GADD45B: variants seen among roughly 807,000 people sequenced by gnomAD.
GADD45B encodes growth arrest and DNA damage inducible beta.
GADD45B carries 8 observed loss-of-function variants against 15.2 expected under a neutral mutation model. The observed-to-expected ratio is 0.53, with a 90% CI of 0.31 to 0.95. The LOEUF (loss-of-function observed/expected upper bound fraction) is 0.95, where lower values mean the gene tolerates loss of function less well. Ranked by LOEUF, GADD45B falls within the 40% of genes least tolerant of loss-of-function variation. The pLI is 0.05. For synonymous variants in GADD45B, 100 were observed against 89.8 expected, an observed-to-expected ratio of 1.11 and a Z score of -0.64; for missense variants, 162 against 216.6, an observed-to-expected ratio of 0.75 and a Z score of 1.58.
intron 1 of GADD45B, 36 bp from the exon 2 acceptor site, chr19:2,476,493 G>A (rs753361521): frequency 6.2e-6 from 10 of 1,600,688 alleles, no homozygotes; most frequent in Non-Finnish European, 8.6e-6. Context: ...GCACCCGGTG[G>A]TCCGCCCGTC....
intron 1 of GADD45B, 45 bp downstream of exon 1, chr19:2,476,447 A>AGGGGT: frequency 6.5e-7 from 1 of 1,537,130 alleles, no homozygotes; most frequent in Non-Finnish European, 9.0e-7. Context: ...CCGGGACGGG[A>AGGGGT]TGGGTCGGGT....
intron 1 of GADD45B, 45 bp downstream of exon 1, chr19:2,476,447 ATGGGT>A: frequency 6.5e-7 from 1 of 1,537,136 alleles, no homozygotes; most frequent in Non-Finnish European, 9.0e-7. Context: ...CCGGGACGGG[ATGGGT>A]CGGGTTGGGC....
rs776089816 is a variant in GADD45B at position 2,477,469 on chromosome 19, C to G, written c.370-19C>G. The G allele has an allele frequency of 1.3e-6, 2 of 1,557,582 alleles. No individual in the cohort carries two copies. Among genetic ancestry groups the G allele is most frequent in the South Asian group, 2.2e-5 (2 of 89,726 alleles). On this transcript the variant is annotated intron_variant, in intron 3 of 3. Transcript: ENST00000215631. The surrounding 1 kb of genome is among the most constrained non-coding windows in gnomAD (Gnocchi z 4.2). ...GGGAGAGGGAGGCTCCACTAAACCCCTTCTTTTCCCTCCTACAGAACCCTC... is the reference window on the plus strand; with the variant it reads ...GGGAGAGGGAGGCTCCACTAAACCCGTTCTTTTCCCTCCTACAGAACCCTC...
rs767074560 is a variant in GADD45B, at chr19:2,476,382, G to A, written c.24G>A (p.Ala8=). 3.7e-6 allele frequency: 6 copies of A among 1,613,638 alleles called. No individual in the cohort carries two copies. The highest frequency in any genetic ancestry group is 1.1e-5 in the South Asian group (1 of 91,082). Residue 8 remains alanine (A), a synonymous_variant, in exon 1 of 4, where the codon GCG becomes GCA. Transcript: ENST00000215631. The part of the protein sequence containing the change: MTLEELV[A]CDNAAQKMQT... ...ACATGACGCTGGAAGAGCTCGTGGC[G>A]TGCGACAACGCGGCGCAGAAGTAAG...
Position 2,477,694 on chromosome 19 carries a change from C to G in GADD45B, c.*93C>G. The G allele has an allele frequency of 1.6e-6, 1 of 614,930 alleles. No individual in the cohort carries two copies. 38.1% of individuals were successfully genotyped at this position (614,930 alleles called of 1,614,324 possible). Reference sequence around the variant, plus strand: ...CCCCTCCCCCCCAGCACAACCCCCCCAAAACAACCCAACCCACGAGGACCA... The same window carrying G: ...CCCCTCCCCCCCAGCACAACCCCCCGAAAACAACCCAACCCACGAGGACCA... On this transcript the variant is annotated 3_prime_UTR_variant, in exon 4 of 4. Coordinates refer to ENST00000215631, the MANE Select transcript of GADD45B (RefSeq NM_015675.4). This position sits in a 1 kb window ranked among gnomAD's most constrained non-coding sequence, Gnocchi z 4.2.
At position 2,477,580 on chromosome 19, in the gene GADD45B, C is replaced by T. The variant is rs1281295574; in HGVS notation, c.462C>T (p.Tyr154=). ...ESRGNNQWVP[Y]ISLQER ...GGGGCAACAACCAGTGGGTCCCCTA[C>T]ATCTCTCTTCAGGAACGCTGAGGCC... The change falls in exon 4 of 4, where the codon TAC becomes TAT. Residue 154 remains tyrosine (Y), a synonymous_variant. Coordinates refer to ENST00000215631, the MANE Select transcript of GADD45B (RefSeq NM_015675.4). The surrounding 1 kb of genome is among the most constrained non-coding windows in gnomAD (Gnocchi z 4.2). 1 of 1,605,056 alleles carries T rather than the reference C, an allele frequency of 6.2e-7. No homozygotes were observed.
intron 2 of GADD45B, 191 bp downstream of exon 2, chr19:2,476,821 C>T (rs1972322797): frequency 2.6e-5 from 16 of 608,422 alleles, no homozygotes; most frequent in South Asian, 9.9e-5. Context: ...TGCAAACACC[C>T]CTCCCGCCGT....
Position 2,476,301 on chromosome 19 carries a change from G to C in GADD45B, c.-58G>C. On this transcript the variant is annotated 5_prime_UTR_variant, in exon 1 of 4. Transcript: ENST00000215631. ...TTTTGGGCTCTCTGGCTCGGATTTT[G>C]CAATTTCTCCCTGGGGACTGCCGTG... The C allele has an allele frequency of 3.2e-6, 5 of 1,569,686 alleles. No homozygotes were observed. The highest frequency in any genetic ancestry group is 4.4e-6 in the Non-Finnish European group (5 of 1,140,138).
At chr19:2,476,980 C>T (rs894426127) in intron 2 of GADD45B, 49 bp from the exon 3 acceptor site, 4 of 1,274,450 alleles carry the variant, frequency 3.1e-6, no homozygotes, top group Non-Finnish European at 4.6e-6. Context: ...TGCACGGTGG[C>T]CCCTCCCCTG....
In GADD45B at chr19:2,477,479, C is replaced by T. The variant is rs1288657339; in HGVS notation, c.370-9C>T. On this transcript the variant is annotated splice_polypyrimidine_tract_variant and intron_variant, in intron 3 of 3. Coordinates refer to ENST00000215631, the MANE Select transcript of GADD45B (RefSeq NM_015675.4). The surrounding 1 kb of genome is among the most constrained non-coding windows in gnomAD (Gnocchi z 4.2). The stretch of plus-strand genomic sequence containing the variant: ...GGCTCCACTAAACCCCTTCTTTTCC[C>T]TCCTACAGAACCCTCACACGGACGC... 3.8e-6 allele frequency: 6 copies of T among 1,590,188 alleles called. No individual in the cohort carries two copies. In the African/African-American group the frequency reaches 8.1e-5, roughly 21 times the overall value.
At position 2,476,188 on chromosome 19, in the gene GADD45B, G is replaced by A. The variant is rs1972309037; in HGVS notation, c.-171G>A. The A allele has an allele frequency of 5.7e-6, 4 of 695,820 alleles. No individual in the cohort carries two copies. The highest frequency in any genetic ancestry group is 2.5e-5 in the East Asian group (1 of 39,534). The allele number at this position is 695,820 out of a possible 1,614,324, so 43.1% of individuals were successfully genotyped here. ...AACTTCCTGGATTATCCTCGCCAAGGACTTTGCAATATATTTTTCCGCCTT... is the reference window on the plus strand; with the variant it reads ...AACTTCCTGGATTATCCTCGCCAAGAACTTTGCAATATATTTTTCCGCCTT... On this transcript the variant is annotated 5_prime_UTR_variant, in exon 1 of 4. Transcript: ENST00000215631.
At position 2,477,251 on chromosome 19, in the gene GADD45B, G is replaced by T. The variant is rs776634872; in HGVS notation, c.369G>T (p.Thr123=). Residue 123 remains threonine (T), a splice_region_variant and synonymous_variant, in exon 3 of 4, where the codon ACG becomes ACT. Transcript: ENST00000215631. The surrounding 1 kb of genome is among the most constrained non-coding windows in gnomAD (Gnocchi z 4.2). ...GAGACCTGCATTGTCTCCTGGTCACGGTGAGTCGGGCCTCTGCCCTGCCCC... is the reference window on the plus strand; with the variant it reads ...GAGACCTGCATTGTCTCCTGGTCACTGTGAGTCGGGCCTCTGCCCTGCCCC... ...EARDLHCLLV[T]NPHTDAWKSH... The T allele has an allele frequency of 2.6e-6, 4 of 1,553,790 alleles. No homozygotes were observed. In the East Asian group the frequency reaches 9.1e-5, roughly 35 times the overall value.
At position 2,476,310 on chromosome 19, in the gene GADD45B, C is replaced by G. The variant is rs762703059; in HGVS notation, c.-49C>G. On this transcript the variant is annotated 5_prime_UTR_variant, in exon 1 of 4. Transcript: ENST00000215631. ...CTCTGGCTCGGATTTTGCAATTTCTCCCTGGGGACTGCCGTGGAGCCGCAT... is the reference window on the plus strand; with the variant it reads ...CTCTGGCTCGGATTTTGCAATTTCTGCCTGGGGACTGCCGTGGAGCCGCAT... 1 of 1,598,806 alleles carries G rather than the reference C, an allele frequency of 6.3e-7. No individual in the cohort carries two copies.
Position 2,477,265 on chromosome 19 carries a change from C to G in GADD45B, c.369+14C>G, listed in dbSNP as rs200560570. ...CTCCTGGTCACGGTGAGTCGGGCCT[C>G]TGCCCTGCCCCGCCACGCCCGGGCA... On this transcript the variant is annotated intron_variant, in intron 3 of 3. Coordinates refer to ENST00000215631, the MANE Select transcript of GADD45B (RefSeq NM_015675.4). The surrounding 1 kb of genome is among the most constrained non-coding windows in gnomAD (Gnocchi z 4.2). 8.8e-5 allele frequency: 131 copies of G among 1,491,268 alleles called. 1 individual carries two copies. The African/African-American group carries it at 1.7e-3, about 19-fold the overall frequency. The allele number at this position is 1,491,268 out of a possible 1,614,324, so 92.4% of individuals were successfully genotyped here.
chr19:2,477,023 C>T lies in GADD45B; in HGVS notation c.147-6C>T, dbSNP rs370732650. On this transcript the variant is annotated splice_polypyrimidine_tract_variant and splice_region_variant and intron_variant, in intron 2 of 3. Coordinates refer to ENST00000215631, the MANE Select transcript of GADD45B (RefSeq NM_015675.4). The surrounding 1 kb of genome is among the most constrained non-coding windows in gnomAD (Gnocchi z 4.2). Reference sequence around the variant, plus strand: ...CTGACCCATCCCTACCCTTTGGCCCCCTCAGGGACCCAGACAGCGTGGTCC... The same window carrying T: ...CTGACCCATCCCTACCCTTTGGCCCTCTCAGGGACCCAGACAGCGTGGTCC... 1.9e-5 allele frequency: 30 copies of T among 1,605,358 alleles called. No individual in the cohort carries two copies. In the African/African-American group the frequency reaches 3.2e-4, roughly 17 times the overall value.
Position 2,478,144 on chromosome 19 carries a change from A to T in GADD45B, c.*543A>T, listed in dbSNP as rs899225416. ...TCCCAGTTTGCGAATTATAGAGACAATCTATTTTGTTACTTGCACTTGTTA... is the reference window on the plus strand; with the variant it reads ...TCCCAGTTTGCGAATTATAGAGACATTCTATTTTGTTACTTGCACTTGTTA... On this transcript the variant is annotated 3_prime_UTR_variant, in exon 4 of 4. Coordinates refer to ENST00000215631, the MANE Select transcript of GADD45B (RefSeq NM_015675.4). 6.6e-6 allele frequency: 1 copy of T among 152,312 alleles called. No individual in the cohort carries two copies. Among genetic ancestry groups the T allele is most frequent in the Admixed American group, 6.5e-5 (1 of 15,274 alleles). 9.4% of individuals were successfully genotyped at this position (152,312 alleles called of 1,614,324 possible). A position where few individuals can be genotyped will look rare whatever the true frequency, so the allele number is the denominator to read the frequency against.
Position 2,476,417 on chromosome 19 carries a change from C to T in GADD45B, c.44+15C>T, listed in dbSNP as rs748563947. The T allele has an allele frequency of 6.2e-6, 10 of 1,612,244 alleles. No homozygotes were observed. The African/African-American group carries it at 1.1e-4, about 17-fold the overall frequency. On this transcript the variant is annotated intron_variant, in intron 1 of 3. Transcript: ENST00000215631. ...GCGGCGCAGAAGTAAGTAGCCGGGGCTGCCGCCGCCTGAGGTCAGCCGGGA... is the reference window on the plus strand; with the variant it reads ...GCGGCGCAGAAGTAAGTAGCCGGGGTTGCCGCCGCCTGAGGTCAGCCGGGA...
Position 2,477,587 on chromosome 19 carries a change from CT to C in GADD45B, c.471del (p.Gln158ArgfsTer13). The C allele has an allele frequency of 6.3e-7, 1 of 1,598,068 alleles. No individual in the cohort carries two copies. Among genetic ancestry groups the C allele is most frequent in the Non-Finnish European group, 8.6e-7 (1 of 1,165,564 alleles). Reference sequence around the variant, plus strand: ...CAACCAGTGGGTCCCCTACATCTCTCTTCAGGAACGCTGAGGCCCTTCCCAG... The same window carrying C: ...CAACCAGTGGGTCCCCTACATCTCTCTCAGGAACGCTGAGGCCCTTCCCAG... ...GNNQWVPYISLQER is the reference protein window; with the variant it reads ...GNNQWVPYISXQER On this transcript the variant is annotated frameshift_variant, in exon 4 of 4. Coordinates refer to ENST00000215631, the MANE Select transcript of GADD45B (RefSeq NM_015675.4). LOFTEE classifies it high-confidence loss of function. This position sits in a 1 kb window ranked among gnomAD's most constrained non-coding sequence, Gnocchi z 4.2.
At position 2,477,439 on chromosome 19, in the gene GADD45B, GC is replaced by G; in HGVS notation, c.370-45del. 7.5e-7 allele frequency: 1 copy of G among 1,332,584 alleles called. No homozygotes were observed. The allele number at this position is 1,332,584 out of a possible 1,614,324, so 82.5% of individuals were successfully genotyped here. ...GCCTGACTGTTTTCCCCACACAGGG[GC>G]CCCGGGAGAGGGAGGCTCCACTAAA... On this transcript the variant is annotated intron_variant, in intron 3 of 3. Transcript: ENST00000215631. The surrounding 1 kb of genome is among the most constrained non-coding windows in gnomAD (Gnocchi z 4.2).
Sources: allele counts gnomAD v4.1 joint callset, GRCh38; gene constraint gnomAD v4.1.1; non-coding constraint Gnocchi (gnomAD v3.1); transcripts MANE v1.5; gene names NCBI Gene and HGNC (gene_info 2026-07-23, HGNC 2026-07-21).